Variants in KIF4A observed in about 807,000 individuals in gnomAD.
The protein encoded by KIF4A is chromosome-associated kinesin KIF4A.
KIF4A carries 7 observed loss-of-function variants against 105.9 expected under a neutral mutation model. The ratio of observed to expected loss-of-function variants is 0.07; its 90% CI spans 0.04 to 0.12. The LOEUF is 0.12. Ranked by LOEUF, KIF4A falls within the 10% of genes least tolerant of loss-of-function variation. KIF4A has a pLI of 1.00. For missense variants in KIF4A, 558 were observed against 929.2 expected, an observed-to-expected ratio of 0.60 and a Z score of 5.19; for synonymous variants, 281 against 331.3, an observed-to-expected ratio of 0.85 and a Z score of 1.65.
chrX:70,400,228 T>A (rs1360460062), intron 22 of KIF4A, among the ~76,000 whole-genome samples: 1 of 102,885 alleles, frequency 9.7e-6, no homozygotes, highest in Non-Finnish European at 2.0e-5. Flanking sequence ...TGTGTCCATG[T>A]GATCTCATTG....
At chrX:70,392,970 T>C (rs1266877592) in intron 20 of KIF4A, among the ~76,000 whole-genome samples, 1 of 107,438 alleles carries the variant, frequency 9.3e-6, no homozygotes, top group Non-Finnish European at 1.9e-5. Context: ...TTTTTTTTTT[T>C]ACTTCTGCAT....
chrX:70,407,581 A>G (rs1009866691), intron 28 of KIF4A, among the ~76,000 whole-genome samples: 1 of 111,551 alleles, frequency 9.0e-6, no homozygotes, highest in Non-Finnish European at 1.9e-5. Context: ...TGGGGCTAGT[A>G]TAGAGGGCTG....
intron 13 of KIF4A, among the ~76,000 whole-genome samples, chrX:70,349,697 C>T (rs1259992879): frequency 2.6e-5 from 2 of 78,357 alleles, no homozygotes; most frequent in Non-Finnish European, 4.8e-5. Flanking sequence ...GTCGGGGTGG[C>T]GGCCGGGCAG....
chrX:70,414,393 A>G (rs753681242), intron 28 of KIF4A, among the ~76,000 whole-genome samples: 1 of 110,593 alleles, frequency 9.0e-6, no homozygotes, highest in East Asian at 2.8e-4. Context: ...ATGTGACAGG[A>G]AAAAAAAAGC....
At chrX:70,349,063 C>A (rs760102443) in intron 13 of KIF4A, among the ~76,000 whole-genome samples, 1 of 81,772 alleles carries the variant, frequency 1.2e-5, no homozygotes, top group Non-Finnish European at 2.3e-5. Flanking sequence ...CGGGCAGAGG[C>A]GCTCCTCACC....
intron 13 of KIF4A, among the ~76,000 whole-genome samples, chrX:70,350,748 T>C (rs2086027171): frequency 8.9e-6 from 1 of 112,069 alleles, no homozygotes; most frequent in Admixed American, 9.4e-5. Flanking sequence ...AAGTTAAGTT[T>C]CAACAACTAT....
chrX:70,376,814 A>C (rs1312898855), intron 18 of KIF4A, among the ~76,000 whole-genome samples: 2 of 112,061 alleles, frequency 1.8e-5, no homozygotes, highest in African/African-American at 6.5e-5. Flanking sequence ...AAGATTTTTA[A>C]GGGTTTTTAG....
At chrX:70,369,651 G>GA (rs1177346962) in intron 15 of KIF4A, among the ~76,000 whole-genome samples, 4 of 110,664 alleles carry the variant, frequency 3.6e-5, no homozygotes, top group Admixed American at 9.6e-5. Flanking sequence ...TTTCATTATG[G>GA]AAAAAAAATG....
chrX:70,418,682 C>T (rs1035045952), intron 29 of KIF4A, among the ~76,000 whole-genome samples: 1 of 112,275 alleles, frequency 8.9e-6, no homozygotes, highest in African/African-American at 3.2e-5. Context: ...TGCATTACTA[C>T]AGCTCTATAT....
At chrX:70,415,778 T>A (rs2086340961) in intron 28 of KIF4A, among the ~76,000 whole-genome samples, 1 of 107,861 alleles carries the variant, frequency 9.3e-6, no homozygotes, top group African/African-American at 3.4e-5. Flanking sequence ...AGTGGGGGCA[T>A]GAGTGAGGTT....
intron 9 of KIF4A, among the ~76,000 whole-genome samples, chrX:70,333,208 G>A (rs1225919167): frequency 1.8e-5 from 2 of 108,323 alleles, no homozygotes; most frequent in African/African-American, 6.7e-5. Context: ...GTGTGTTGGC[G>A]GGCGCCTGTA....
chrX:70,321,251 C>T (rs1329447440), intron 7 of KIF4A, among the ~76,000 whole-genome samples: 1 of 112,069 alleles, frequency 8.9e-6, no homozygotes, highest in Non-Finnish European at 1.9e-5. Flanking sequence ...CCTCTTCTCC[C>T]AGAATGTAGT....
At chrX:70,371,676 G>A (rs778681580) in intron 15 of KIF4A, among the ~76,000 whole-genome samples, 3 of 107,120 alleles carry the variant, frequency 2.8e-5, no homozygotes, top group South Asian at 4.4e-4. Flanking sequence ...CCTCCCTCCC[G>A]GACGGGACGG....
rs185412597 is a variant in KIF4A, at chrX:70,336,642, C to G, written c.1133+2953C>G. Among the ~76,000 whole-genome samples the G allele has an allele frequency of 4.3e-3, 478 of 111,428 alleles. 3 individuals are homozygous for G. Among genetic ancestry groups the G allele is most frequent in the African/African-American group, 0.014 (427 of 30,660 alleles). On this transcript the variant is annotated intron_variant, in intron 10 of 30. Coordinates refer to ENST00000374403, the MANE Select transcript of KIF4A (RefSeq NM_012310.5). ...GAGCATTTTTTCATATGTTTAAGGGCCACTTTTATCCCTTTTGCTGGTGAA... is the reference window on the plus strand; with the variant it reads ...GAGCATTTTTTCATATGTTTAAGGGGCACTTTTATCCCTTTTGCTGGTGAA...
chrX:70,334,522 A>G (rs2085943182), intron 10 of KIF4A, among the ~76,000 whole-genome samples: 1 of 112,065 alleles, frequency 8.9e-6, no homozygotes, highest in Non-Finnish European at 1.9e-5. Flanking sequence ...GCTCAGTTCT[A>G]CTATACACAT....
rs753323782 is a variant in KIF4A, at chrX:70,387,203, G to A, written c.2138G>A (p.Arg713His). The change falls in exon 20 of 31, where the codon CGT (arginine) becomes CAT (histidine). Residue 713 changes from arginine (R) to histidine (H), a missense_variant. Physicochemically the swap from Arg to His is conservative, Grantham distance 29. This residue lies in a region of KIF4A where 469 missense variants were observed against 680.4 expected (regional missense o/e 0.69). Coordinates refer to ENST00000374403, the MANE Select transcript of KIF4A (RefSeq NM_012310.5). ...KTEEAAAANKRLKDALQKQRE... is the reference protein window; with the variant it reads ...KTEEAAAANKHLKDALQKQRE... ...ATTTAGGCAGCAGCTGCCAACAAGCGTCTCAAGGATGCTCTCCAGAAACAA... is the reference window on the plus strand; with the variant it reads ...ATTTAGGCAGCAGCTGCCAACAAGCATCTCAAGGATGCTCTCCAGAAACAA... The A allele has an allele frequency of 1.3e-5, 15 of 1,178,680 alleles. No individual in the cohort carries two copies. Among genetic ancestry groups the A allele is most frequent in the Admixed American group, 4.8e-5 (2 of 41,679 alleles).
chrX:70,386,007 C>T (rs1485477408), intron 18 of KIF4A, among the ~76,000 whole-genome samples: 1 of 111,023 alleles, frequency 9.0e-6, no homozygotes. Flanking sequence ...TCAGCTCTTG[C>T]CCCCCTTTCT....
chrX:70,301,965 C>A lies in KIF4A; in HGVS notation c.582C>A (p.Gly194=). 8.3e-7 allele frequency: 1 copy of A among 1,211,592 alleles called. No homozygotes were observed. The highest frequency in any genetic ancestry group is 1.8e-5 in the South Asian group (1 of 56,974). ...ATACTGTTTCCTGTTTGGAACAGGGCAACAACTCTAGGACTGTGGCCTCCA... is the reference window on the plus strand; with the variant it reads ...ATACTGTTTCCTGTTTGGAACAGGGAAACAACTCTAGGACTGTGGCCTCCA... ...ALDTVSCLEQ[G]NNSRTVASTA... Residue 194 remains glycine (G), a synonymous_variant, in exon 6 of 31, where the codon GGC becomes GGA. Transcript: ENST00000374403.
At chrX:70,369,181 G>C (rs1445228817) in intron 15 of KIF4A, among the ~76,000 whole-genome samples, 1 of 112,218 alleles carries the variant, frequency 8.9e-6, no homozygotes, top group Non-Finnish European at 1.9e-5. Context: ...GGAATTCTGT[G>C]ACCCCTTCCG....
Sources: gnomAD v4.1 joint callset for allele counts (sites outside exome capture counted in the v4.1 genomes callset) on GRCh38, gnomAD v4.1.1 for gene constraint, gnomAD v4.1.1 regional missense constraint, MANE v1.5 for transcripts, NCBI Gene and HGNC (gene_info 2026-07-23, HGNC 2026-07-21) for gene names.